SDHA: variants seen among roughly 807,000 people sequenced by gnomAD.
SDHA encodes succinate dehydrogenase [ubiquinone] flavoprotein subunit, mitochondrial.
Under a neutral mutation model 78.4 loss-of-function variants are expected in SDHA, and 48 were observed. That is an observed-to-expected ratio of 0.61 (90% CI 0.49 to 0.78). The LOEUF is 0.78. Ranked by LOEUF, SDHA falls within the 30% of genes least tolerant of loss-of-function variation. The pLI, the probability that SDHA is intolerant of heterozygous loss-of-function variation, is 0.00. For synonymous variants in SDHA, 326 were observed against 353.9 expected, an observed-to-expected ratio of 0.92 and a Z score of 0.88; for missense variants, 680 against 892.7, an observed-to-expected ratio of 0.76 and a Z score of 3.04.
chr5:233,416 A>G, intron 7 of SDHA, 61 bp from the exon 8 acceptor site: 1 of 1,567,402 alleles, frequency 6.4e-7, no homozygotes, highest in Non-Finnish European at 8.8e-7. Context: ...TGAAAAAAAT[A>G]ATGCATTTGA....
rs772169255 is a variant in SDHA, at chr5:225,379, C to T, written c.313-40C>T. ...TTGGGCCTGGAAGACAAAGTTGGCGCTCCTGTTTGTGGCTTGTAAGGAGTG... is the reference window on the plus strand; with the variant it reads ...TTGGGCCTGGAAGACAAAGTTGGCGTTCCTGTTTGTGGCTTGTAAGGAGTG... On this transcript the variant is annotated intron_variant, in intron 3 of 14. Transcript: ENST00000264932. 3.1e-6 allele frequency: 5 copies of T among 1,612,020 alleles called. No homozygotes were observed. In the Admixed American group the frequency reaches 5.0e-5, roughly 16 times the overall value.
chr5:262,162 G>C, the SDHA span, among the ~76,000 whole-genome samples: 121 of 54,480 alleles, frequency 2.2e-3, no homozygotes, highest in Admixed American at 4.4e-3. Flanking sequence ...CCTCCCGTCA[G>C]AGCATTACCG....
chr5:255,283 G>A (rs533708079), intron 14 of SDHA, among the ~76,000 whole-genome samples: 3 of 151,916 alleles, frequency 2.0e-5, no homozygotes, highest in East Asian at 1.9e-4. Context: ...TCACTTAGCT[G>A]TGTCTGTGGA....
At chr5:233,882 A>G in intron 8 of SDHA, 1 of 496,084 alleles carries the variant, frequency 2.0e-6, no homozygotes. Flanking sequence ...AGTGTGTGTG[A>G]GTATGTGACG....
At chr5:254,649 AG>A in intron 14 of SDHA, 143 bp downstream of exon 14, 1 of 1,375,794 alleles carries the variant, frequency 7.3e-7, no homozygotes, top group East Asian at 2.7e-5. Flanking sequence ...CCGCTGAAAA[AG>A]GCACTCCGAC....
intron 10 of SDHA, among the ~76,000 whole-genome samples, chr5:239,197 C>G: frequency 6.8e-6 from 1 of 147,526 alleles, no homozygotes. Context: ...CATGTATTAC[C>G]TGTTGAAGAA....
rs981171929 is a variant in SDHA at position 240,472 on chromosome 5, A to T, written c.1547A>T (p.Gln516Leu). ...IRTSELRLSM[Q>L]KSMQNHAAVF... is the part of the protein sequence containing the mutation. ...ACATCGGAACTGCGACTCAGCATGCAGAAGGTAAGAGCCTGGACTCGCTCT... is the reference window on the plus strand; with the variant it reads ...ACATCGGAACTGCGACTCAGCATGCTGAAGGTAAGAGCCTGGACTCGCTCT... The change falls in exon 11 of 15, where the codon CAG becomes CTG. Residue 516 changes from glutamine (Q) to leucine (L), a missense_variant. By Grantham distance (113) the Gln-to-Leu change is moderately radical. Transcript: ENST00000264932. 4 of 1,592,058 alleles carry T rather than the reference A, an allele frequency of 2.5e-6. No homozygotes were observed. Among genetic ancestry groups the T allele is most frequent in the Non-Finnish European group, 3.4e-6 (4 of 1,161,830 alleles).
chr5:265,048 A>T, the SDHA span, among the ~76,000 whole-genome samples: 2 of 151,966 alleles, frequency 1.3e-5, no homozygotes, highest in Non-Finnish European at 2.9e-5. Flanking sequence ...TCTCTACTAA[A>T]ATTCAAAAAT....
At chr5:224,297 A>G (rs975790562) in intron 2 of SDHA, 63 bp from the exon 3 acceptor site, 2 of 1,549,108 alleles carry the variant, frequency 1.3e-6, no homozygotes, top group Non-Finnish European at 8.9e-7. Flanking sequence ...TTTCACTGTC[A>G]CAAGATTCTT....
chr5:234,865 C>G (rs1291465995), intron 8 of SDHA: 1 of 496,400 alleles, frequency 2.0e-6, no homozygotes, highest in East Asian at 3.8e-5. Flanking sequence ...AATGCACTTA[C>G]CAAGGACACC....
intron 1 of SDHA, chr5:220,479 C>T (rs56299325): frequency 0.21 from 39,379 of 184,612 alleles, 7,085 homozygotes; most frequent in African/African-American, 0.52. Flanking sequence ...AGTAGTAAAC[C>T]TTTGCTTTGC....
chr5:254,562 C>T, intron 14 of SDHA, 56 bp downstream of exon 14: 1 of 1,501,996 alleles, frequency 6.7e-7, no homozygotes, highest in Non-Finnish European at 9.0e-7. Flanking sequence ...CCCGCCCAGG[C>T]CTGCGGGCTG....
At chr5:227,251 C>G (rs1357797738) in intron 5 of SDHA, among the ~76,000 whole-genome samples, 1 of 152,164 alleles carries the variant, frequency 6.6e-6, no homozygotes, top group South Asian at 2.1e-4. Context: ...CTCAGGCAGT[C>G]CACCTGCCTT....
intron 13 of SDHA, chr5:253,209 A>G (rs1341291950): frequency 6.6e-6 from 1 of 152,252 alleles, no homozygotes; most frequent in Non-Finnish European, 1.5e-5. Context: ...AGGCTGGTTC[A>G]GGACCGTGTG....
chr5:249,368 A>C (rs1736669358), intron 11 of SDHA: 1 of 187,672 alleles, frequency 5.3e-6, no homozygotes, highest in African/African-American at 2.4e-5. Context: ...CTGTCCCCAA[A>C]ACTGGCCATA....
intron 7 of SDHA, among the ~76,000 whole-genome samples, chr5:231,869 G>A (rs528194471): frequency 6.6e-6 from 1 of 152,306 alleles, no homozygotes; most frequent in South Asian, 2.1e-4. Flanking sequence ...CTCAGCCCAC[G>A]TGACCACTGA....
At chr5:241,799 C>G (rs1279631237) in intron 11 of SDHA, among the ~76,000 whole-genome samples, 12 of 152,228 alleles carry the variant, frequency 7.9e-5, no homozygotes, top group Non-Finnish European at 5.9e-5. Context: ...GCCCTTCAGT[C>G]TTCAAGTGAA....
chr5:249,177 G>A (rs1345715349), intron 11 of SDHA: 3 of 359,310 alleles, frequency 8.3e-6, no homozygotes, highest in Non-Finnish European at 1.6e-5. Context: ...AAAAACACTT[G>A]GAAGCTCTGT....
chr5:228,421 T>C, intron 6 of SDHA, 88 bp downstream of exon 6: 1 of 1,386,886 alleles, frequency 7.2e-7, no homozygotes, highest in Non-Finnish European at 1.0e-6. Context: ...ATAGAGGCAT[T>C]GTAGAATAAC....
Sources: allele counts gnomAD v4.1 joint callset (sites outside exome capture counted in the v4.1 genomes callset), GRCh38; gene constraint gnomAD v4.1.1; transcripts MANE v1.5; gene names NCBI Gene and HGNC (gene_info 2026-07-23, HGNC 2026-07-21).